Variants in FGGY observed in about 807,000 individuals in gnomAD.
FGGY encodes the protein FGGY carbohydrate kinase domain-containing protein.
Under a neutral mutation model 71.3 loss-of-function variants are expected in FGGY, and 72 were observed. The observed-to-expected ratio is 1.01, with a 90% CI of 0.84 to 1.23. The LOEUF (loss-of-function observed/expected upper bound fraction) is 1.23, where lower values mean the gene tolerates loss of function less well. Among genes scored for constraint, FGGY ranks in the 50% most tolerant of loss-of-function variants. The pLI, the probability that FGGY is intolerant of heterozygous loss-of-function variation, is 0.00. For missense variants in FGGY, 668 were observed against 682.3 expected (o/e 0.98, Z 0.23); for synonymous variants, 251 against 250.3 (o/e 1.00, Z -0.02).
intron 14 of FGGY, chr1:59,681,098 A>G (rs866063347): frequency 6.6e-6 from 1 of 152,178 alleles, no homozygotes; most frequent in Non-Finnish European, 1.5e-5. Flanking sequence ...TTTAATCATA[A>G]TATATGCCTG....
intron 14 of FGGY, among the ~76,000 whole-genome samples, chr1:59,731,653 T>A (rs1273912269): frequency 6.6e-6 from 1 of 152,052 alleles, no homozygotes; most frequent in Non-Finnish European, 1.5e-5. Context: ...GGGGGCATTC[T>A]CCATATGATT....
intron 14 of FGGY, among the ~76,000 whole-genome samples, chr1:59,679,284 T>C (rs2097469995): frequency 6.6e-6 from 1 of 152,144 alleles, no homozygotes; most frequent in African/African-American, 2.4e-5. Flanking sequence ...CCCATTCTAT[T>C]TTATTTTGTA....
intron 7 of FGGY, among the ~76,000 whole-genome samples, chr1:59,532,035 A>G (rs1401296277): frequency 6.6e-6 from 1 of 152,246 alleles, no homozygotes; most frequent in Admixed American, 6.5e-5. Context: ...AAAAATCAAG[A>G]GTAAAAACAA....
intron 14 of FGGY, among the ~76,000 whole-genome samples, chr1:59,674,630 G>A (rs2097418476): frequency 6.6e-6 from 1 of 152,186 alleles, no homozygotes; most frequent in Non-Finnish European, 1.5e-5. Flanking sequence ...ACAATTTGGT[G>A]GCTGTGATTA....
intron 8 of FGGY, among the ~76,000 whole-genome samples, chr1:59,588,063 G>T (rs1022396048): frequency 2.0e-5 from 3 of 152,274 alleles, no homozygotes; most frequent in Non-Finnish European, 4.4e-5. Context: ...TCAGATGAAT[G>T]TATAACTAGA....
intron 7 of FGGY, among the ~76,000 whole-genome samples, chr1:59,546,897 T>A (rs2153695848): frequency 6.6e-6 from 1 of 151,904 alleles, no homozygotes; most frequent in Admixed American, 6.6e-5. Flanking sequence ...CTAGACCACA[T>A]TTCTTTCAAG....
chr1:59,458,487 C>T (rs1160258002), intron 6 of FGGY, among the ~76,000 whole-genome samples: 1 of 152,172 alleles, frequency 6.6e-6, no homozygotes, highest in African/African-American at 2.4e-5. Context: ...TTGGGTATAA[C>T]TTCAACTCTG....
intron 6 of FGGY, among the ~76,000 whole-genome samples, chr1:59,496,716 A>G (rs1362077649): frequency 6.6e-6 from 1 of 152,172 alleles, no homozygotes; most frequent in East Asian, 1.9e-4. Context: ...GAACAAATAA[A>G]TAAATAAAAT....
chr1:59,347,391 C>A (rs2052279421), intron 4 of FGGY, among the ~76,000 whole-genome samples: 1 of 151,864 alleles, frequency 6.6e-6, no homozygotes, highest in South Asian at 2.1e-4. Flanking sequence ...ATGATGGTTT[C>A]CAGCTTCATG....
At chr1:59,681,790 A>C (rs1558783638) in intron 14 of FGGY, among the ~76,000 whole-genome samples, 1 of 105,500 alleles carries the variant, frequency 9.5e-6, no homozygotes, top group African/African-American at 3.2e-5. Flanking sequence ...AAATACACAC[A>C]CACACACACA....
At chr1:59,472,611 G>A (rs900436494) in intron 6 of FGGY, among the ~76,000 whole-genome samples, 1 of 152,232 alleles carries the variant, frequency 6.6e-6, no homozygotes, top group African/African-American at 2.4e-5. Context: ...ACACCAATTG[G>A]CACTCTGTAT....
At chr1:59,735,511 T>C (rs1407460042) in intron 14 of FGGY, among the ~76,000 whole-genome samples, 2 of 152,232 alleles carry the variant, frequency 1.3e-5, no homozygotes, top group African/African-American at 4.8e-5. Context: ...TTGAATCCAC[T>C]GTGCACAGAG....
At chr1:59,561,364 AT>A (rs2095791106) in intron 8 of FGGY, among the ~76,000 whole-genome samples, 1 of 152,178 alleles carries the variant, frequency 6.6e-6, no homozygotes, top group African/African-American at 2.4e-5. Context: ...CTCAGACTGC[AT>A]GTTTTGAAAA....
Position 59,390,544 on chromosome 1 carries a change from A to G in FGGY, c.554+11707A>G, listed in dbSNP as rs188534415. Among the ~76,000 whole-genome samples, 329 of 152,276 alleles carry G rather than the reference A, an allele frequency of 2.2e-3. 2 individuals carry two copies. Among genetic ancestry groups the G allele is most frequent in the Non-Finnish European group, 3.0e-3 (202 of 68,020 alleles). ...CATTGGAGTGAGCCTTCTTTAAACA[A>G]TCTTCTTAGAAGATCTACGTCATAC... On this transcript the variant is annotated intron_variant, in intron 5 of 15. Coordinates refer to ENST00000303721, the MANE Select transcript of FGGY (RefSeq NM_018291.5).
At chr1:59,730,731 A>G (rs997381049) in intron 14 of FGGY, among the ~76,000 whole-genome samples, 3 of 152,228 alleles carry the variant, frequency 2.0e-5, no homozygotes, top group African/African-American at 7.2e-5. Flanking sequence ...TACCTCATCT[A>G]GCCCAAGCAA....
chr1:59,361,943 G>A (rs562422040), intron 4 of FGGY, among the ~76,000 whole-genome samples: 30 of 152,272 alleles, frequency 2.0e-4, no homozygotes, highest in Admixed American at 5.2e-4. Context: ...GTGGTGGGGG[G>A]TGGCGTGTGA....
At chr1:59,538,010 A>G (rs1295914039) in intron 7 of FGGY, among the ~76,000 whole-genome samples, 2 of 152,312 alleles carry the variant, frequency 1.3e-5, no homozygotes, top group African/African-American at 4.8e-5. Flanking sequence ...ATCTCATTAA[A>G]CTAAAGAGCT....
chr1:59,300,687 G>GTTT (rs35505946), intron 1 of FGGY, among the ~76,000 whole-genome samples: 1 of 149,908 alleles, frequency 6.7e-6, no homozygotes, highest in Non-Finnish European at 1.5e-5. Flanking sequence ...ATGGAATCAA[G>GTTT]TTTTTTTTTT....
chr1:59,587,248 G>C (rs1032705300), intron 8 of FGGY, among the ~76,000 whole-genome samples: 2 of 152,110 alleles, frequency 1.3e-5, no homozygotes, highest in African/African-American at 4.8e-5. Flanking sequence ...GGGGAGGGGC[G>C]CCCGCCATTG....
Sources: allele counts gnomAD v4.1 joint callset (sites outside exome capture counted in the v4.1 genomes callset), GRCh38; gene constraint gnomAD v4.1.1; transcripts MANE v1.5; gene names NCBI Gene and HGNC (gene_info 2026-07-23, HGNC 2026-07-21).